The following CLIP1 variants were observed in gnomAD, a reference collection of about 807,000 sequenced individuals.
The protein encoded by CLIP1 is CAP-Gly domain containing linker protein 1.
In CLIP1, 66 loss-of-function variants were observed where a neutral mutation model predicts 161.6. The ratio of observed to expected loss-of-function variants is 0.41; its 90% CI spans 0.33 to 0.50. The LOEUF is 0.50. Ranked by LOEUF, CLIP1 falls within the 20% of genes least tolerant of loss-of-function variation. CLIP1 has a pLI of 0.27. For missense variants in CLIP1, 1,376 were observed against 1,702.0 expected, an observed-to-expected ratio of 0.81 and a Z score of 3.37; for synonymous variants, 598 against 626.2, an observed-to-expected ratio of 0.96 and a Z score of 0.67.
chr12:122,376,891 A>G (rs968754498), intron 3 of CLIP1, among the ~76,000 whole-genome samples: 1 of 152,116 alleles, frequency 6.6e-6, no homozygotes, highest in African/African-American at 2.4e-5. Context: ...CTGCACAGCC[A>G]GTTTCTAATT....
rs529912784 is a variant in CLIP1, at chr12:122,396,489, C to A, written c.-106-15931G>T. The A allele has an allele frequency of 1.4e-4, 21 of 152,234 alleles. No homozygotes were observed. In the South Asian group the frequency reaches 3.5e-3, roughly 26 times the overall value. The allele number at this position is 152,234 out of a possible 1,614,324, so 9.4% of individuals were successfully genotyped here. A position where few individuals can be genotyped will look rare whatever the true frequency, so the allele number is the denominator to read the frequency against. On this transcript the variant is annotated intron_variant, in intron 1 of 25. Coordinates refer to ENST00000620786, the MANE Select transcript of CLIP1 (RefSeq NM_001247997.2). ...AGGGAACTGTAACAGGGACTCAGAA[C>A]AATTATCTCAATGGAATCACTGGTA...
rs7388 is a variant in CLIP1 at position 122,271,637 on chromosome 12, A to T, written c.*1238T>A. The T allele has an allele frequency of 0.22, 34,070 of 152,636 alleles. 4,954 individuals carry two copies. The highest frequency in any genetic ancestry group is 0.62 in the East Asian group (3,211 of 5,184). The allele number at this position is 152,636 out of a possible 1,614,324, so 9.5% of individuals were successfully genotyped here. On this transcript the variant is annotated 3_prime_UTR_variant, in exon 26 of 26. Coordinates refer to ENST00000620786, the MANE Select transcript of CLIP1 (RefSeq NM_001247997.2). ...ACATCAAAGGCATATATACAATTATAGAAGTTCTTATTGTACATGTAGCAT... is the reference window on the plus strand; with the variant it reads ...ACATCAAAGGCATATATACAATTATTGAAGTTCTTATTGTACATGTAGCAT...
At chr12:122,341,757 C>CATTTCTTTTTTTTTTT (rs1952510001) in intron 10 of CLIP1, 60 bp from the exon 11 acceptor site, 1 of 89,000 alleles carries the variant, frequency 1.1e-5, no homozygotes, top group Non-Finnish European at 2.4e-5. Context: ...TGACTATTTT[C>CATTTCTTTTTTTTTTT]TTTTCTTTTT....
intron 20 of CLIP1, among the ~76,000 whole-genome samples, chr12:122,290,791 T>C (rs907751946): frequency 1.3e-5 from 2 of 152,118 alleles, no homozygotes; most frequent in African/African-American, 2.4e-5. Flanking sequence ...TTTTTCTTCT[T>C]CTGGTCCAGG....
intron 3 of CLIP1, among the ~76,000 whole-genome samples, chr12:122,369,058 G>A (rs939324340): frequency 1.3e-5 from 2 of 149,524 alleles, no homozygotes; most frequent in African/African-American, 5.0e-5. Context: ...TCGCTCTGTC[G>A]TCCAGGCTGG....
chr12:122,394,449 A>G (rs1955813771), intron 1 of CLIP1, among the ~76,000 whole-genome samples: 1 of 136,310 alleles, frequency 7.3e-6, no homozygotes, highest in Non-Finnish European at 1.5e-5. Context: ...AGATTTCGCC[A>G]CTGCACTCCA....
chr12:122,419,449 G>A (rs191823277), intron 1 of CLIP1, among the ~76,000 whole-genome samples: 96 of 151,998 alleles, frequency 6.3e-4, no homozygotes, highest in Non-Finnish European at 1.2e-3. Flanking sequence ...CAAGGGTCCC[G>A]AAATGTGAAG....
chr12:122,284,745 A>G (rs1200463003), intron 21 of CLIP1, among the ~76,000 whole-genome samples: 2 of 152,188 alleles, frequency 1.3e-5, no homozygotes, highest in Admixed American at 1.3e-4. Context: ...TAAGGACTTC[A>G]TCATTAAGTA....
intron 20 of CLIP1, among the ~76,000 whole-genome samples, chr12:122,291,097 T>C (rs1950231129): frequency 6.6e-6 from 1 of 151,976 alleles, no homozygotes; most frequent in Non-Finnish European, 1.5e-5. Context: ...TTCACCATGT[T>C]GGCCAGGCTG....
At position 122,380,488 on chromosome 12, in the gene CLIP1, G is replaced by A. The variant is rs769222984; in HGVS notation, c.-36C>T. 1.0e-5 allele frequency: 14 copies of A among 1,363,774 alleles called. No individual in the cohort carries two copies. Among genetic ancestry groups the A allele is most frequent in the Middle Eastern group, 1.8e-4 (1 of 5,566 alleles). 84.5% of individuals were successfully genotyped at this position (1,363,774 alleles called of 1,614,324 possible). ...TGTCAGAGCTGTTTCTCCTTTGCCTGTTGCCACTATCTTTCCCCAACCATT... is the reference window on the plus strand; with the variant it reads ...TGTCAGAGCTGTTTCTCCTTTGCCTATTGCCACTATCTTTCCCCAACCATT... On this transcript the variant is annotated 5_prime_UTR_variant, in exon 2 of 26. Transcript: ENST00000620786.
Position 122,278,014 on chromosome 12 carries a change from A to G in CLIP1, c.3966+140T>C, listed in dbSNP as rs558066618. On this transcript the variant is annotated intron_variant, in intron 24 of 25. Transcript: ENST00000620786. Reference sequence around the variant, plus strand: ...ATGTATATATTTTTAATTCTGTTTAATGTTTGGACTAGAGGAATGCATTAC... The same window carrying G: ...ATGTATATATTTTTAATTCTGTTTAGTGTTTGGACTAGAGGAATGCATTAC... The G allele has an allele frequency of 3.6e-5, 27 of 741,266 alleles. No individual in the cohort carries two copies. In the East Asian group the frequency reaches 5.7e-4, roughly 16 times the overall value. The allele number at this position is 741,266 out of a possible 1,614,324, so 45.9% of individuals were successfully genotyped here.
chr12:122,326,863 T>G (rs1951730092), intron 17 of CLIP1, among the ~76,000 whole-genome samples: 1 of 152,044 alleles, frequency 6.6e-6, no homozygotes, highest in Non-Finnish European at 1.5e-5. Context: ...CTGGAGGTAT[T>G]TCACAGAAAG....
At chr12:122,364,136 G>A in intron 3 of CLIP1, 29 bp from the exon 4 acceptor site, 3 of 1,613,466 alleles carry the variant, frequency 1.9e-6, no homozygotes, top group Non-Finnish European at 2.5e-6. Context: ...AAAATAAAGA[G>A]ATGAACATCA....
Position 122,279,400 on chromosome 12 carries a change from G to T in CLIP1, c.3648-255C>A. 3.0e-5 allele frequency: 5 copies of T among 168,986 alleles called. No homozygotes were observed. Among genetic ancestry groups the T allele is most frequent in the Non-Finnish European group, 4.9e-5 (4 of 82,348 alleles). 10.5% of individuals were successfully genotyped at this position (168,986 alleles called of 1,614,324 possible). Reference sequence around the variant, plus strand: ...GTGATTGTATCCATTTGAACTTAAAGAAACAAGTTAATAAATTTGGAAGAG... The same window carrying T: ...GTGATTGTATCCATTTGAACTTAAATAAACAAGTTAATAAATTTGGAAGAG... On this transcript the variant is annotated intron_variant, in intron 21 of 25. Coordinates refer to ENST00000620786, the MANE Select transcript of CLIP1 (RefSeq NM_001247997.2). This position sits in a 1 kb window ranked among gnomAD's most constrained non-coding sequence, Gnocchi z 4.5.
intron 1 of CLIP1, among the ~76,000 whole-genome samples, chr12:122,384,617 C>T (rs1350675262): frequency 2.6e-5 from 4 of 151,980 alleles, no homozygotes; most frequent in Middle Eastern, 6.8e-3. Flanking sequence ...AAAAATTAGC[C>T]GGGCATGGTG....
intron 1 of CLIP1, among the ~76,000 whole-genome samples, chr12:122,419,904 A>T (rs1251179821): frequency 7.8e-6 from 1 of 128,602 alleles, no homozygotes; most frequent in East Asian, 2.7e-4. Context: ...TGGGCAACAG[A>T]GCGAGATGCG....
intron 1 of CLIP1, among the ~76,000 whole-genome samples, chr12:122,409,389 G>A (rs1405931795): frequency 2.0e-5 from 3 of 151,908 alleles, no homozygotes; most frequent in Admixed American, 6.6e-5. Context: ...GCTTCCCAAA[G>A]TGCTGGGATT....
At chr12:122,331,994 C>CA (rs1042219501) in intron 15 of CLIP1, among the ~76,000 whole-genome samples, 41 of 147,810 alleles carry the variant, frequency 2.8e-4, no homozygotes, top group African/African-American at 7.7e-4. Flanking sequence ...GACTCTATCT[C>CA]AAAAAAAAAT....
intron 17 of CLIP1, among the ~76,000 whole-genome samples, chr12:122,320,210 T>C (rs1372629606): frequency 7.5e-5 from 11 of 147,436 alleles, no homozygotes; most frequent in Non-Finnish European, 1.5e-4. Context: ...GAGGTTGCAG[T>C]GAGCTGAGAT....
Sources: gnomAD v4.1 joint callset for allele counts (sites outside exome capture counted in the v4.1 genomes callset) on GRCh38, gnomAD v4.1.1 for gene constraint, Gnocchi (gnomAD v3.1) non-coding constraint, MANE v1.5 for transcripts, NCBI Gene and HGNC (gene_info 2026-07-23, HGNC 2026-07-21) for gene names.